The following SON variants were observed in gnomAD, a reference collection of about 807,000 sequenced individuals.
The protein encoded by SON is protein SON.
Under a neutral mutation model 173.3 loss-of-function variants are expected in SON, and 4 were observed. The ratio of observed to expected loss-of-function variants is 0.02; its 90% confidence interval spans 0.01 to 0.05. SON has a LOEUF of 0.05. Among genes scored for constraint, SON ranks in the 10% least tolerant of loss-of-function variants. The probability of loss-of-function intolerance (pLI) is 1.00; values close to 1 mark genes in which losing one functional copy is unlikely to be tolerated. For missense variants in SON, 2,626 were observed against 3,055.3 expected, an observed-to-expected ratio of 0.86 and a Z score of 3.31; for synonymous variants, 1,190 against 1,105.9, an observed-to-expected ratio of 1.08 and a Z score of -1.51.
chr21:33,567,954 C>A (rs1387123050), intron 7 of SON, among the ~76,000 whole-genome samples: 1 of 152,038 alleles, frequency 6.6e-6, no homozygotes, highest in Non-Finnish European at 1.5e-5. Context: ...AGTCACACAA[C>A]TAATTAGTGG....
chr21:33,562,547 A>AT (rs934945383), intron 6 of SON, among the ~76,000 whole-genome samples: 6 of 152,174 alleles, frequency 3.9e-5, no homozygotes, highest in African/African-American at 1.4e-4. Context: ...GCTCTTTGAC[A>AT]TGAGTATGAA....
rs1326366375 is a variant in SON at position 33,553,993 on chromosome 21, G to A, written c.4762G>A (p.Asp1588Asn). 4 of 1,614,172 alleles carry A rather than the reference G, an allele frequency of 2.5e-6. No homozygotes were observed. The highest frequency in any genetic ancestry group is 3.4e-6 in the Non-Finnish European group (4 of 1,180,028). The stretch of plus-strand genomic sequence containing the variant: ...TACCTACCCTGGTGTTAGTGAAGCT[G>A]ATGCAGGAGAAACTCTATCTTCTAC... The part of the protein sequence containing the change: ...LDTYPGVSEA[D>N]AGETLSSTGP... The change falls in exon 3 of 12, where the codon GAT becomes AAT. Residue 1588 changes from aspartate to asparagine, a missense_variant. Coordinates refer to ENST00000356577, the MANE Select transcript of SON (RefSeq NM_138927.4).
rs543728387 is a variant in SON, at chr21:33,550,777, C to T, written c.1546C>T (p.Pro516Ser). 1.1e-5 allele frequency: 18 copies of T among 1,614,188 alleles called. No homozygotes were observed. Among genetic ancestry groups the T allele is most frequent in the Admixed American group, 3.3e-5 (2 of 60,028 alleles). Residue 516 changes from proline (P) to serine (S), a missense_variant, in exon 3 of 12, where the codon CCT becomes TCT. By Grantham distance (74) the Pro-to-Ser change is moderately conservative (BLOSUM62 -1). This residue lies in a region of SON where 757 missense variants were observed against 730.1 expected (regional missense o/e 1.04). Transcript: ENST00000356577. ...TGTGACGACGACAGAGTTGGAGCAG[C>T]CTGTGGGGATGACAACGGTGGAACA... ...QPVTTTELEQPVGMTTVEHPG... is the reference protein window; with the variant it reads ...QPVTTTELEQSVGMTTVEHPG...
intron 2 of SON, among the ~76,000 whole-genome samples, chr21:33,547,461 CATTACCTTGATTTAGTTCTGGAATCA>C (rs2085646055): frequency 6.6e-6 from 1 of 152,114 alleles, no homozygotes; most frequent in South Asian, 2.1e-4. Context: ...AAATAACAGT[CATTACCTTGATTTAGTTCTGGAATCA>C]AGTTTGTAAT....
intron 2 of SON, chr21:33,547,003 T>G (rs757736549): frequency 6.6e-6 from 1 of 152,230 alleles, no homozygotes; most frequent in Non-Finnish European, 1.5e-5. Context: ...TGAGACAGTT[T>G]CACTCTTTTT....
chr21:33,567,318 C>T, intron 7 of SON, 51 bp downstream of exon 7: 4 of 987,778 alleles, frequency 4.0e-6, no homozygotes, highest in Non-Finnish European at 6.5e-6. Flanking sequence ...AGCCAACTCA[C>T]ACCAATGTAC....
At position 33,554,607 on chromosome 21, in the gene SON, T is replaced by C. The variant is rs765921732; in HGVS notation, c.5376T>C (p.Ile1792=). 3.7e-6 allele frequency: 6 copies of C among 1,613,838 alleles called. No homozygotes were observed. The highest frequency in any genetic ancestry group is 1.6e-4 in the Middle Eastern group (1 of 6,062). ...SSSEEKDDYE[I]FVKVKDTHEK... Reference sequence around the variant, plus strand: ...CAGAGGAAAAAGATGATTATGAAATTTTTGTAAAAGTTAAGGACACTCACG... The same window carrying C: ...CAGAGGAAAAAGATGATTATGAAATCTTTGTAAAAGTTAAGGACACTCACG... The change falls in exon 3 of 12, where the codon ATT becomes ATC. Residue 1792 remains isoleucine (I), a synonymous_variant. Transcript: ENST00000356577.
In SON at chr21:33,559,310, A is replaced by G. The variant is rs199677252; in HGVS notation, c.6402A>G (p.Glu2134=). ...CTCATGTTTCGGATGAAGAGGAAGA[A>G]GAACCTCCTTTTTATCATCATCCCT... ...NKPHVSDEEE[E]EPPFYHHPFK... The change falls in exon 5 of 12, where the codon GAA becomes GAG. Residue 2134 remains glutamate (E), a synonymous_variant. Transcript: ENST00000356577. This position sits in a 1 kb window ranked among gnomAD's most constrained non-coding sequence, Gnocchi z 4.1. 8.1e-6 allele frequency: 13 copies of G among 1,612,630 alleles called. No homozygotes were observed. In the East Asian group the frequency reaches 2.7e-4, roughly 33 times the overall value.
chr21:33,574,594 T>C (rs1013614971), intron 9 of SON, among the ~76,000 whole-genome samples: 13 of 152,212 alleles, frequency 8.5e-5, no homozygotes, highest in Admixed American at 5.2e-4. Context: ...AATACTGATA[T>C]GATGCTCAAA....
Position 33,555,264 on chromosome 21 carries a change from T to C in SON, c.6033T>C (p.Ser2011=), listed in dbSNP as rs963759446. The C allele has an allele frequency of 2.5e-6, 4 of 1,612,610 alleles. No individual in the cohort carries two copies. Among genetic ancestry groups the C allele is most frequent in the African/African-American group, 1.3e-5 (1 of 74,754 alleles). ...SRSVVRRRSF[S]ISPVRLRRSR... is the part of the protein sequence containing the mutation. ...CTGTGGTAAGAAGACGAAGCTTCAG[T>C]ATCTCACCAGTCAGATTAAGGCGAT... Residue 2011 remains serine (S), a synonymous_variant, in exon 3 of 12, where the codon AGT becomes AGC. Transcript: ENST00000356577.
rs2145851393 is a variant in SON at position 33,559,710 on chromosome 21, G to A, written c.6592G>A (p.Val2198Met). The change falls in exon 6 of 12, where the codon GTG becomes ATG. Residue 2198 changes from valine (V) to methionine (M), a missense_variant. Around this residue, in one of 13 missense-constraint regions of SON, gnomAD observed 75 missense variants for 201.6 expected, o/e 0.37. Transcript: ENST00000356577. The surrounding 1 kb of genome is among the most constrained non-coding windows in gnomAD (Gnocchi z 4.1). ...TAGTGTTTATGGAGAATGGGTTCCT[G>A]TGGAGAAAAATGGTGAAGAAAACAA... ...ADSVYGEWVP[V>M]EKNGEENKDD... is the part of the protein sequence containing the mutation. The A allele has an allele frequency of 6.2e-7, 1 of 1,614,176 alleles. No individual in the cohort carries two copies. The highest frequency in any genetic ancestry group is 8.5e-7 in the Non-Finnish European group (1 of 1,180,028).
chr21:33,551,165 C>A lies in SON; in HGVS notation c.1934C>A (p.Pro645His). Residue 645 changes from proline (P) to histidine (H), a missense_variant, in exon 3 of 12, where the codon CCT (proline) becomes CAT (histidine). Pro to His is a moderately conservative substitution (Grantham distance 77, BLOSUM62 -2). This residue lies in a region of SON where 182 missense variants were observed against 193.6 expected (regional missense o/e 0.94). Coordinates refer to ENST00000356577, the MANE Select transcript of SON (RefSeq NM_138927.4). ...QPGAPELPGQ[P>H]VATVALEISV... Reference sequence around the variant, plus strand: ...GGGGCGCCAGAGTTGCCTGGGCAGCCTGTGGCAACTGTGGCGCTGGAGATC... The same window carrying A: ...GGGGCGCCAGAGTTGCCTGGGCAGCATGTGGCAACTGTGGCGCTGGAGATC... 2 of 1,613,984 alleles carry A rather than the reference C, an allele frequency of 1.2e-6. No individual in the cohort carries two copies. Among genetic ancestry groups the A allele is most frequent in the Non-Finnish European group, 1.7e-6 (2 of 1,179,880 alleles).
chr21:33,561,641 T>C (rs2086072621), intron 6 of SON, among the ~76,000 whole-genome samples: 2 of 152,162 alleles, frequency 1.3e-5, no homozygotes, highest in African/African-American at 4.8e-5. Flanking sequence ...AGAGTGTGTG[T>C]GTGCGTCTAT....
In SON at chr21:33,553,216, T is replaced by C; in HGVS notation, c.3985T>C (p.Leu1329=). Residue 1329 remains leucine, a synonymous_variant, in exon 3 of 12, where the codon TTG becomes CTG. Coordinates refer to ENST00000356577, the MANE Select transcript of SON (RefSeq NM_138927.4). ...GHVASEVSTS[L]LVPAVTTPVL... is the part of the protein sequence containing the mutation. ...TGTTGCCTCAGAAGTATCTACATCCTTGTTGGTTCCAGCAGTAACTACTCC... is the reference window on the plus strand; with the variant it reads ...TGTTGCCTCAGAAGTATCTACATCCCTGTTGGTTCCAGCAGTAACTACTCC... 6.2e-7 allele frequency: 1 copy of C among 1,614,036 alleles called. No homozygotes were observed. The highest frequency in any genetic ancestry group is 8.5e-7 in the Non-Finnish European group (1 of 1,179,904).
intron 1 of SON, 93 bp downstream of exon 1, chr21:33,543,262 C>A (rs559945390): frequency 4.1e-6 from 5 of 1,215,066 alleles, no homozygotes; most frequent in Admixed American, 3.5e-5. Context: ...CAGTCGTTCC[C>A]CGGCTCAGGC....
In SON at chr21:33,546,247, A is replaced by C; in HGVS notation, c.112A>C (p.Asn38His). The C allele has an allele frequency of 6.2e-7, 1 of 1,613,572 alleles. No homozygotes were observed. The highest frequency in any genetic ancestry group is 8.5e-7 in the Non-Finnish European group (1 of 1,179,824). ...RNEGQLNGETNTPIEGNQAGD... is the reference protein window; with the variant it reads ...RNEGQLNGETHTPIEGNQAGD... ...TGAAGGCCAGCTGAATGGTGAAACA[A>C]ATACACCCATTGAAGGAAACCAGGC... Residue 38 changes from asparagine to histidine, a missense_variant, in exon 2 of 12, where the codon AAT (asparagine) becomes CAT (histidine). By Grantham distance (68) the Asn-to-His change is moderately conservative. Transcript: ENST00000356577.
At chr21:33,556,195 TTC>T (rs2085962558) in intron 3 of SON, among the ~76,000 whole-genome samples, 1 of 152,170 alleles carries the variant, frequency 6.6e-6, no homozygotes, top group East Asian at 1.9e-4. Flanking sequence ...GTTTTCTGAG[TTC>T]TTTTTTATTC....
rs1489075074 is a variant in SON at position 33,559,795 on chromosome 21, T to C, written c.6657+20T>C. On this transcript the variant is annotated intron_variant, in intron 6 of 11. Coordinates refer to ENST00000356577, the MANE Select transcript of SON (RefSeq NM_138927.4). The surrounding 1 kb of genome is among the most constrained non-coding windows in gnomAD (Gnocchi z 4.1). ...TCAGAGGTAAGTAGGAGGAATATTA[T>C]GTATTTTTCCTTTTTTATACCTGAA... is the stretch of plus-strand genomic sequence containing the variant. The C allele has an allele frequency of 9.3e-6, 15 of 1,609,156 alleles. No individual in the cohort carries two copies. Among genetic ancestry groups the C allele is most frequent in the Admixed American group, 1.7e-5 (1 of 59,162 alleles).
chr21:33,566,536 A>ATAT (rs35160272), intron 6 of SON, among the ~76,000 whole-genome samples: 136,975 of 151,978 alleles, frequency 0.9, 61,977 homozygotes, highest in East Asian at 1. Flanking sequence ...AAATAGTGTA[A>ATAT]TATACTTAAT....
Sources: gnomAD v4.1 joint callset for allele counts (sites outside exome capture counted in the v4.1 genomes callset) on GRCh38, gnomAD v4.1.1 for gene constraint, gnomAD v4.1.1 regional missense constraint, Gnocchi (gnomAD v3.1) non-coding constraint, MANE v1.5 for transcripts, NCBI Gene and HGNC (gene_info 2026-07-23, HGNC 2026-07-21) for gene names.